Variants in NBEAL1 observed in about 807,000 individuals in gnomAD.
NBEAL1 encodes the protein neurobeachin-like protein 1.
In NBEAL1, 273 loss-of-function variants were observed where a neutral mutation model predicts 351.3. The observed-to-expected ratio is 0.78, with a 90% confidence interval of 0.70 to 0.86. The LOEUF (loss-of-function observed/expected upper bound fraction) is 0.86. Among genes scored for constraint, NBEAL1 ranks in the 40% least tolerant of loss-of-function variants. The pLI is 0.00. For missense variants in NBEAL1, 2,961 were observed against 3,201.3 expected (o/e 0.92, Z 1.81); for synonymous variants, 1,050 against 1,086.4 (o/e 0.97, Z 0.66).
At chr2:203,119,010 C>CA (rs1359573255) in intron 18 of NBEAL1, among the ~76,000 whole-genome samples, 1 of 150,308 alleles carries the variant, frequency 6.7e-6, no homozygotes, top group Admixed American at 6.6e-5. Context: ...TCTATACTAC[C>CA]AAAAAAATAG....
At position 203,135,906 on chromosome 2, in the gene NBEAL1, T is replaced by C; in HGVS notation, c.4043T>C (p.Phe1348Ser). The C allele has an allele frequency of 6.2e-7, 1 of 1,614,176 alleles. No individual in the cohort carries two copies. The change falls in exon 28 of 56, where the codon TTT becomes TCT. Residue 1348 changes from phenylalanine (F) to serine (S), a missense_variant. Physicochemically the swap from Phe to Ser is radical, Grantham distance 155. Coordinates refer to ENST00000683969, the MANE Select transcript of NBEAL1 (RefSeq NM_001378026.1). The stretch of plus-strand genomic sequence containing the variant: ...ACAGATGAGGAAAAAATCACCTCTT[T>C]TGCCTCAGCTAATGTGTCTTCGGAT... ...EKTDEEKITS[F>S]ASANVSSDQW...
rs1014395798 is a variant in NBEAL1, at chr2:203,188,513, T to C, written c.6747T>C (p.Asp2249=). ...YVSAHLHEWI[D]LIFGYKQRGP... is the part of the protein sequence containing the mutation. ...CAGCTCATCTTCATGAATGGATAGATCTGATCTTTGGCTATAAACAGAGGG... is the reference window on the plus strand; with the variant it reads ...CAGCTCATCTTCATGAATGGATAGACCTGATCTTTGGCTATAAACAGAGGG... Residue 2249 remains aspartate, a synonymous_variant, in exon 45 of 56, where the codon GAT becomes GAC. Coordinates refer to ENST00000683969, the MANE Select transcript of NBEAL1 (RefSeq NM_001378026.1). 1 of 1,607,714 alleles carries C rather than the reference T, an allele frequency of 6.2e-7. No homozygotes were observed.
chr2:203,029,147 G>A (rs1238008094), intron 2 of NBEAL1, among the ~76,000 whole-genome samples: 1 of 152,010 alleles, frequency 6.6e-6, no homozygotes, highest in Non-Finnish European at 1.5e-5. Context: ...ATTTTTGTAC[G>A]CCTGGCTAAT....
intron 51 of NBEAL1, among the ~76,000 whole-genome samples, chr2:203,207,448 T>C (rs2065634973): frequency 6.6e-6 from 1 of 152,046 alleles, no homozygotes; most frequent in Admixed American, 6.5e-5. Context: ...ATGATGACAA[T>C]GGCGGTTTTG....
At chr2:203,130,765 TTCAACAGCTAATAATAA>T (rs1341356912) in intron 25 of NBEAL1, among the ~76,000 whole-genome samples, 1 of 152,164 alleles carries the variant, frequency 6.6e-6, no homozygotes, top group African/African-American at 2.4e-5. Flanking sequence ...TTCAGAACAT[TTCAACAGCTAATAATAA>T]TAGCAAACTT....
chr2:203,172,778 AC>A lies in NBEAL1; in HGVS notation c.6251del (p.Pro2084LeufsTer13). On this transcript the variant is annotated frameshift_variant, in exon 41 of 56. Coordinates refer to ENST00000683969, the MANE Select transcript of NBEAL1 (RefSeq NM_001378026.1). LOFTEE classifies it high-confidence loss of function. The stretch of plus-strand genomic sequence containing the variant: ...ACTTCGGAAGAGTTGGACCTTAATA[AC>A]CCTGCTGTATTTCGAGATCTTTCCA... ...DYTSEELDLN[N>X]PAVFRDLSKP... 6.2e-7 allele frequency: 1 copy of A among 1,612,592 alleles called. No individual in the cohort carries two copies. Among genetic ancestry groups the A allele is most frequent in the South Asian group, 1.1e-5 (1 of 90,874 alleles).
chr2:203,101,391 G>A (rs1010222065), intron 12 of NBEAL1, among the ~76,000 whole-genome samples: 1 of 152,106 alleles, frequency 6.6e-6, no homozygotes, highest in Non-Finnish European at 1.5e-5. Flanking sequence ...ATGTTGTTGT[G>A]GTTACTGTAA....
intron 29 of NBEAL1, among the ~76,000 whole-genome samples, chr2:203,137,699 A>G (rs995229650): frequency 3.9e-5 from 6 of 152,212 alleles, no homozygotes; most frequent in African/African-American, 1.4e-4. Flanking sequence ...AATTCCATTT[A>G]TAGGCCTGGC....
At chr2:203,042,844 C>T (rs926837717) in intron 3 of NBEAL1, among the ~76,000 whole-genome samples, 3 of 152,090 alleles carry the variant, frequency 2.0e-5, no homozygotes, top group African/African-American at 7.2e-5. Context: ...CCTCGGACTC[C>T]CAAAGTGCTG....
chr2:203,104,474 G>T lies in NBEAL1; in HGVS notation c.1270-2946G>T, dbSNP rs185558199. Among the ~76,000 whole-genome samples, 558 of 152,284 alleles carry T rather than the reference G, an allele frequency of 3.7e-3. 1 individual carries two copies. The highest frequency in any genetic ancestry group is 8.8e-3 in the Admixed American group (135 of 15,302). ...GTCTCTTGAAGACAGCATACCACTG[G>T]GTCTTGGTTTTTTATCCAACTTGCC... On this transcript the variant is annotated intron_variant, in intron 12 of 55. Transcript: ENST00000683969.
intron 6 of NBEAL1, among the ~76,000 whole-genome samples, chr2:203,068,063 T>C (rs897755824): frequency 1.3e-5 from 2 of 152,250 alleles, no homozygotes; most frequent in Non-Finnish European, 2.9e-5. Flanking sequence ...AATAATATGC[T>C]ACTAATCTGA....
At chr2:203,189,844 T>C (rs900258614) in intron 45 of NBEAL1, among the ~76,000 whole-genome samples, 1 of 151,992 alleles carries the variant, frequency 6.6e-6, no homozygotes, top group Admixed American at 6.6e-5. Context: ...TTATTGAAAC[T>C]ATACCAATGA....
chr2:203,197,382 TG>T lies in NBEAL1; in HGVS notation c.7120del (p.Glu2374SerfsTer3). ...GTTCTTTTATGTCTCAAGGCAGCCC[TG>T]AGTTACTGGTAAGTTGATTTTTACC... ...YRSFMSQGSPELLITISMNYV... is the reference protein window; with the variant it reads ...YRSFMSQGSPXLLITISMNYV... On this transcript the variant is annotated frameshift_variant, in exon 48 of 56. Transcript: ENST00000683969. LOFTEE classifies it high-confidence loss of function. 1 of 1,595,884 alleles carries T rather than the reference TG, an allele frequency of 6.3e-7. No homozygotes were observed. Among genetic ancestry groups the T allele is most frequent in the Non-Finnish European group, 8.6e-7 (1 of 1,163,478 alleles).
intron 2 of NBEAL1, among the ~76,000 whole-genome samples, chr2:203,021,439 C>CA (rs1279999084): frequency 4.6e-5 from 7 of 151,638 alleles, no homozygotes; most frequent in Non-Finnish European, 7.4e-5. Context: ...ACCAAAAATA[C>CA]AAAAAAATTA....
At chr2:203,050,127 A>G in intron 4 of NBEAL1, 152 bp downstream of exon 4, 1 of 632,424 alleles carries the variant, frequency 1.6e-6, no homozygotes, top group Non-Finnish European at 2.6e-6. Flanking sequence ...TACCTAATGT[A>G]GATGATGGGT....
chr2:203,096,225 G>A (rs1472505369), intron 10 of NBEAL1, among the ~76,000 whole-genome samples: 1 of 152,184 alleles, frequency 6.6e-6, no homozygotes, highest in Non-Finnish European at 1.5e-5. Flanking sequence ...CCAGTAAGCT[G>A]CAGAACCAAA....
In NBEAL1 at chr2:203,138,295, T is replaced by A; in HGVS notation, c.4699T>A (p.Ser1567Thr). The A allele has an allele frequency of 1.2e-6, 2 of 1,613,390 alleles. No homozygotes were observed. Among genetic ancestry groups the A allele is most frequent in the Non-Finnish European group, 1.7e-6 (2 of 1,179,850 alleles). ...DFLQSEGLVNSNMWTEKLLED... is the reference protein window; with the variant it reads ...DFLQSEGLVNTNMWTEKLLED... ...TCTTCAGTCAGAGGGACTAGTTAATTCAAACATGTGGACCGAGAAGGTGCA... is the reference window on the plus strand; with the variant it reads ...TCTTCAGTCAGAGGGACTAGTTAATACAAACATGTGGACCGAGAAGGTGCA... Residue 1567 changes from serine (S) to threonine (T), a missense_variant, in exon 30 of 56, where the codon TCA becomes ACA. Transcript: ENST00000683969.
chr2:203,200,715 A>G (rs560203526), intron 49 of NBEAL1, among the ~76,000 whole-genome samples: 3 of 152,150 alleles, frequency 2.0e-5, no homozygotes, highest in Non-Finnish European at 4.4e-5. Flanking sequence ...AATTAAAATA[A>G]AATTCAAAAA....
At chr2:203,046,181 CT>C (rs1044745584) in intron 3 of NBEAL1, among the ~76,000 whole-genome samples, 35 of 146,086 alleles carry the variant, frequency 2.4e-4, no homozygotes, top group Middle Eastern at 3.5e-3. Flanking sequence ...GAACTAGAAA[CT>C]TTTTTTTTTT....
Sources: gnomAD v4.1 joint callset for allele counts (sites outside exome capture counted in the v4.1 genomes callset) on GRCh38, gnomAD v4.1.1 for gene constraint, MANE v1.5 for transcripts, NCBI Gene and HGNC (gene_info 2026-07-23, HGNC 2026-07-21) for gene names.